SETD2: variants seen among roughly 807,000 people sequenced by gnomAD.
SETD2 encodes histone-lysine N-methyltransferase SETD2.
SETD2 carries 31 observed loss-of-function variants against 242.1 expected under a neutral mutation model. That is an observed-to-expected ratio of 0.13 (90% CI 0.10 to 0.17). The LOEUF (loss-of-function observed/expected upper bound fraction) is 0.17. SETD2 is among the 10% of genes least tolerant of loss of function. The probability of loss-of-function intolerance (pLI) is 1.00; values close to 1 mark genes in which losing one functional copy is unlikely to be tolerated. For missense variants in SETD2, 2,481 were observed against 3,046.3 expected (o/e 0.81, Z 4.37); for synonymous variants, 1,006 against 1,066.5 (o/e 0.94, Z 1.11).
intron 5 of SETD2, among the ~76,000 whole-genome samples, chr3:47,106,493 T>TAAAAAAAAAAAAAAAAAAAAAAAAAAA (rs766455577): frequency 1.7e-5 from 1 of 57,260 alleles, no homozygotes; most frequent in African/African-American, 6.7e-5. Flanking sequence ...ATTTTTGCTC[T>TAAAAAAAAAAAAAAAAAAAAAAAAAAA]AAAAAAAAAA....
At chr3:47,106,376 T>C (rs900740748) in intron 5 of SETD2, among the ~76,000 whole-genome samples, 1 of 151,500 alleles carries the variant, frequency 6.6e-6, no homozygotes, top group Non-Finnish European at 1.5e-5. Context: ...ATATATATCC[T>C]TTAACTAGAT....
At position 47,161,911 on chromosome 3, in the gene SETD2, T is replaced by TA. The variant is rs774374329; in HGVS notation, c.71+1942dup. Among the ~76,000 whole-genome samples the TA allele has an allele frequency of 2.0e-3, 240 of 119,990 alleles. 1 individual carries two copies. Among genetic ancestry groups the TA allele is most frequent in the Admixed American group, 2.5e-3 (28 of 11,418 alleles). The allele number at this position is 119,990 out of a possible 152,430, so 78.7% of individuals were successfully genotyped here. Reference sequence around the variant, plus strand: ...GGGTGACAGAGTGGGACCCTGCCTCTAAAAAAAAAAAAAAGGAAAAAATAC... The same window carrying TA: ...GGGTGACAGAGTGGGACCCTGCCTCTAAAAAAAAAAAAAAAGGAAAAAATAC... On this transcript the variant is annotated intron_variant, in intron 1 of 20. Transcript: ENST00000409792.
At position 47,121,538 on chromosome 3, in the gene SETD2, G is replaced by A. The variant is rs2043087836; in HGVS notation, c.3098C>T (p.Thr1033Ile). Residue 1033 changes from threonine (T) to isoleucine (I), a missense_variant, in exon 3 of 21, where the codon ACA becomes ATA. Thr to Ile is a moderately conservative substitution (Grantham distance 89). Transcript: ENST00000409792. ...SSGHAPEIVS[T>I]VHEDYSGSSE... is the part of the protein sequence containing the mutation. ...AGAGCCAGAATAATCTTCATGAACTGTAGACACAATTTCTGGGGCATGACC... is the reference window on the plus strand; with the variant it reads ...AGAGCCAGAATAATCTTCATGAACTATAGACACAATTTCTGGGGCATGACC... 1 of 1,614,070 alleles carries A rather than the reference G, an allele frequency of 6.2e-7. No individual in the cohort carries two copies. The highest frequency in any genetic ancestry group is 8.5e-7 in the Non-Finnish European group (1 of 1,179,970).
chr3:47,105,927 C>G (rs771320306), intron 6 of SETD2, 70 bp downstream of exon 6: 13 of 956,134 alleles, frequency 1.4e-5, no homozygotes, highest in Non-Finnish European at 1.8e-5. Context: ...AAAAAAAAAT[C>G]AAATCAGTAT....
chr3:47,044,530 T>C (rs941903247), intron 16 of SETD2, among the ~76,000 whole-genome samples: 1 of 152,156 alleles, frequency 6.6e-6, no homozygotes, highest in African/African-American at 2.4e-5. Flanking sequence ...ATTGCTGGAT[T>C]GCTGCAAGAG....
At chr3:47,164,129 A>C (rs1235278496), upstream of SETD2, among the ~76,000 whole-genome samples, 1 of 150,828 alleles carries the variant, frequency 6.6e-6, no homozygotes, top group Non-Finnish European at 1.5e-5. The surrounding 1 kb of genome is among the most constrained non-coding windows in gnomAD (Gnocchi z 5.4). Context: ...TCACCCTCAC[A>C]CCGGGAGCGA....
At chr3:47,088,277 T>C (rs773318590) in intron 9 of SETD2, 30 bp from the exon 10 acceptor site, 2 of 1,544,562 alleles carry the variant, frequency 1.3e-6, no homozygotes, top group East Asian at 4.6e-5. Context: ...TACCTTTTTA[T>C]AAAACAACAA....
chr3:47,031,664 A>G (rs2038776129), intron 18 of SETD2, among the ~76,000 whole-genome samples: 1 of 152,208 alleles, frequency 6.6e-6, no homozygotes, highest in Non-Finnish European at 1.5e-5. Context: ...GTGATAAGAT[A>G]AATATGCATA....
intron 1 of SETD2, among the ~76,000 whole-genome samples, chr3:47,161,267 A>C (rs1429127983): frequency 1.3e-5 from 2 of 152,156 alleles, no homozygotes; most frequent in Admixed American, 1.3e-4. Flanking sequence ...CCTCCCAAAA[A>C]GCCCCAGTAA....
intron 1 of SETD2, among the ~76,000 whole-genome samples, chr3:47,153,877 C>A (rs2106832813): frequency 6.6e-6 from 1 of 152,092 alleles, no homozygotes; most frequent in Admixed American, 6.6e-5. Flanking sequence ...GTACCATATA[C>A]AAATAGAAAT....
Position 47,124,010 on chromosome 3 carries a change from G to A in SETD2, c.626C>T (p.Thr209Ile). ...TGTATGTGGCAAGGCCACTGGCTCT[G>A]TTACTGGTGCTGGTGATGAGAGTGT... ...ATTLSSPAPV[T>I]EPVALPHTPI... is the part of the protein sequence containing the mutation. Residue 209 changes from threonine (T) to isoleucine (I), a missense_variant, in exon 3 of 21, where the codon ACA becomes ATA. Thr to Ile is a moderately conservative substitution (Grantham distance 89). Transcript: ENST00000409792. 1 of 1,552,346 alleles carries A rather than the reference G, an allele frequency of 6.4e-7. No homozygotes were observed.
intron 8 of SETD2, among the ~76,000 whole-genome samples, chr3:47,100,689 G>T (rs766065761): frequency 1.3e-5 from 2 of 152,022 alleles, no homozygotes; most frequent in Non-Finnish European, 2.9e-5. Context: ...CTTTGCTATT[G>T]CATCGGTTAC....
Position 47,086,119 on chromosome 3 carries a change from G to A in SETD2, c.5397+76C>T, listed in dbSNP as rs2041545112. On this transcript the variant is annotated intron_variant, in intron 11 of 20. Coordinates refer to ENST00000409792, the MANE Select transcript of SETD2 (RefSeq NM_014159.7). ...ATACAGTGCTAAATTCATAATTACT[G>A]ATATTATCACATATCCACAACCGAG... is the stretch of plus-strand genomic sequence containing the variant. 2.7e-6 allele frequency: 4 copies of A among 1,503,778 alleles called. No individual in the cohort carries two copies. The East Asian group carries it at 6.9e-5, about 26-fold the overall frequency. The allele number at this position is 1,503,778 out of a possible 1,614,324, so 93.2% of individuals were successfully genotyped here.
intron 18 of SETD2, among the ~76,000 whole-genome samples, chr3:47,034,088 C>T (rs1464005532): frequency 6.6e-6 from 1 of 152,176 alleles, no homozygotes; most frequent in Non-Finnish European, 1.5e-5. Flanking sequence ...AGACCTCTAC[C>T]TTTATTTGTT....
At chr3:47,033,189 C>T (rs192671696) in intron 18 of SETD2, among the ~76,000 whole-genome samples, 2 of 152,320 alleles carry the variant, frequency 1.3e-5, no homozygotes, top group East Asian at 3.8e-4. Context: ...GTAAACAGAG[C>T]TATTCCCCAA....
Position 47,017,383 on chromosome 3 carries a change from G to C in SETD2, c.7534-129C>G, listed in dbSNP as rs1025590485. On this transcript the variant is annotated intron_variant, in intron 20 of 20. Transcript: ENST00000409792. The surrounding 1 kb of genome is among the most constrained non-coding windows in gnomAD (Gnocchi z 4.8). Reference sequence around the variant, plus strand: ...CTCACCAAGACAGGAAGTTAATAAGGGGGTAGATGTTGGGGCAGGCTGGTG... The same window carrying C: ...CTCACCAAGACAGGAAGTTAATAAGCGGGTAGATGTTGGGGCAGGCTGGTG... 1.4e-5 allele frequency: 14 copies of C among 1,000,634 alleles called. No individual in the cohort carries two copies. The highest frequency in any genetic ancestry group is 8.1e-5 in the African/African-American group (5 of 61,388). 62.0% of individuals were successfully genotyped at this position (1,000,634 alleles called of 1,614,324 possible).
At position 47,120,631 on chromosome 3, in the gene SETD2, A is replaced by G. The variant is rs570003364; in HGVS notation, c.4005T>C (p.Arg1335=). 3 of 1,614,078 alleles carry G rather than the reference A, an allele frequency of 1.9e-6. No individual in the cohort carries two copies. The African/African-American group carries it at 4.0e-5, about 22-fold the overall frequency. The part of the protein sequence containing the change: ...GQVPDSLTDD[R]EEEENWDQQD... ...GTTGATCCCAATTCTCCTCTTCTTC[A>G]CGATCATCTGTTAGGGAATCTGGTA... Residue 1335 remains arginine, a synonymous_variant, in exon 3 of 21, where the codon CGT becomes CGC. Coordinates refer to ENST00000409792, the MANE Select transcript of SETD2 (RefSeq NM_014159.7).
At chr3:47,108,491 C>A (rs935397196) in intron 5 of SETD2, among the ~76,000 whole-genome samples, 1 of 152,162 alleles carries the variant, frequency 6.6e-6, no homozygotes, top group Non-Finnish European at 1.5e-5. Flanking sequence ...ATTCAAACTC[C>A]ACCTAAATAA....
At chr3:47,037,254 A>T (rs2039049741) in intron 18 of SETD2, among the ~76,000 whole-genome samples, 1 of 147,198 alleles carries the variant, frequency 6.8e-6, no homozygotes, top group Admixed American at 6.8e-5. Context: ...AGCATTAGGT[A>T]TATCTCCTAA....
Sources: allele counts gnomAD v4.1 joint callset (sites outside exome capture counted in the v4.1 genomes callset), GRCh38; gene constraint gnomAD v4.1.1; non-coding constraint Gnocchi (gnomAD v3.1); transcripts MANE v1.5; gene names NCBI Gene and HGNC (gene_info 2026-07-23, HGNC 2026-07-21).